Variants in MYO10 observed in about 807,000 individuals in gnomAD.
MYO10 encodes the protein unconventional myosin-X.
A neutral mutation model predicts 257.3 loss-of-function variants in MYO10; 133 were observed. That is an observed-to-expected ratio of 0.52 (90% confidence interval 0.45 to 0.60). The LOEUF is 0.60. Among genes scored for constraint, MYO10 ranks in the 20% least tolerant of loss-of-function variants. The pLI, the probability that MYO10 is intolerant of heterozygous loss-of-function variation, is 0.00. For synonymous variants in MYO10, 1,104 were observed against 1,028.6 expected (o/e 1.07, Z -1.40); for missense variants, 2,399 against 2,635.7 (o/e 0.91, Z 1.97).
intron 2 of MYO10, among the ~76,000 whole-genome samples, chr5:16,876,643 C>T (rs918581981): frequency 1.3e-5 from 2 of 152,174 alleles, no homozygotes; most frequent in African/African-American, 4.8e-5. Flanking sequence ...CAACCTCCGC[C>T]TCGCAGGTTG....
intron 12 of MYO10, 58 bp downstream of exon 12, chr5:16,764,192 A>G: frequency 6.4e-7 from 1 of 1,567,936 alleles, no homozygotes; most frequent in Non-Finnish European, 8.7e-7. Context: ...AGATTTGTTC[A>G]ATAGCAGCTA....
chr5:16,784,914 C>T lies in MYO10; in HGVS notation c.468-1445G>A, dbSNP rs573215360. ...ACAGTCCTTTCACCTGCTCTGCTAGCGACAGGCCTGGGCAGGGGCCAGTGT... is the reference window on the plus strand; with the variant it reads ...ACAGTCCTTTCACCTGCTCTGCTAGTGACAGGCCTGGGCAGGGGCCAGTGT... On this transcript the variant is annotated intron_variant, in intron 4 of 40. Coordinates refer to ENST00000513610, the MANE Select transcript of MYO10 (RefSeq NM_012334.3). Among the ~76,000 whole-genome samples, 415 of 152,272 alleles carry T rather than the reference C, an allele frequency of 2.7e-3. 4 individuals carry two copies. Among genetic ancestry groups the T allele is most frequent in the Non-Finnish European group, 3.6e-3 (246 of 68,026 alleles).
rs910333071 is a variant in MYO10, at chr5:16,679,834, T to G, written c.4542+113A>C. On this transcript the variant is annotated intron_variant, in intron 33 of 40. Coordinates refer to ENST00000513610, the MANE Select transcript of MYO10 (RefSeq NM_012334.3). The stretch of plus-strand genomic sequence containing the variant: ...GCCACCGTGCCGGCCAACCAAGCAC[T>G]AGTTTTGATTACAGAAAAAAAACTG... 4 of 1,380,202 alleles carry G rather than the reference T, an allele frequency of 2.9e-6. No individual in the cohort carries two copies. The African/African-American group carries it at 5.8e-5, about 20-fold the overall frequency. The allele number at this position is 1,380,202 out of a possible 1,614,324, so 85.5% of individuals were successfully genotyped here.
chr5:16,731,099 G>A (rs1263950415), intron 19 of MYO10, among the ~76,000 whole-genome samples: 1 of 150,370 alleles, frequency 6.7e-6, no homozygotes, highest in Admixed American at 6.6e-5. Context: ...AGGCTGGAGT[G>A]CAGTGGCACG....
intron 9 of MYO10, 48 bp downstream of exon 9, chr5:16,779,497 A>G: frequency 9.1e-7 from 1 of 1,104,350 alleles, no homozygotes. Flanking sequence ...GTTACTCTTA[A>G]TAAGGTATCT....
intron 19 of MYO10, among the ~76,000 whole-genome samples, chr5:16,714,162 A>G (rs1395347480): frequency 6.6e-6 from 1 of 152,170 alleles, no homozygotes; most frequent in African/African-American, 2.4e-5. Context: ...CGGAAAGCCT[A>G]ATATTAAACT....
chr5:16,700,382 A>G (rs1737988241), intron 25 of MYO10, among the ~76,000 whole-genome samples: 1 of 152,224 alleles, frequency 6.6e-6, no homozygotes, highest in Admixed American at 6.5e-5. Context: ...TTCCATTTAA[A>G]AAGCCAGTTT....
chr5:16,686,660 G>C lies in MYO10; in HGVS notation c.3897-829C>G, dbSNP rs572502795. Among the ~76,000 whole-genome samples, 6 of 151,964 alleles carry C rather than the reference G, an allele frequency of 3.9e-5. No homozygotes were observed. The East Asian group carries it at 1.2e-3, about 30-fold the overall frequency. On this transcript the variant is annotated intron_variant, in intron 28 of 40. Transcript: ENST00000513610. Reference sequence around the variant, plus strand: ...AGTGATTCTCCTGCCTCAGCCTCTCGAGTAGCTGGGACACACCACCATGCC... The same window carrying C: ...AGTGATTCTCCTGCCTCAGCCTCTCCAGTAGCTGGGACACACCACCATGCC...
intron 18 of MYO10, among the ~76,000 whole-genome samples, chr5:16,757,334 A>ACACG (rs1404140616): frequency 2.7e-5 from 4 of 148,340 alleles, no homozygotes; most frequent in African/African-American, 1.0e-4. Flanking sequence ...ACACACACAC[A>ACACG]CACACACACG....
intron 1 of MYO10, among the ~76,000 whole-genome samples, chr5:16,913,429 T>C (rs1745728537): frequency 6.6e-6 from 1 of 152,332 alleles, no homozygotes; most frequent in East Asian, 1.9e-4. Flanking sequence ...TATATACGTG[T>C]ATGGCTGTCT....
intron 2 of MYO10, among the ~76,000 whole-genome samples, chr5:16,862,051 G>T (rs1744122734): frequency 6.6e-6 from 1 of 152,114 alleles, no homozygotes; most frequent in Non-Finnish European, 1.5e-5. Flanking sequence ...CATCCGAAAT[G>T]CCAACCCTGA....
chr5:16,808,775 G>A (rs766727536), intron 3 of MYO10, among the ~76,000 whole-genome samples: 2 of 152,082 alleles, frequency 1.3e-5, no homozygotes, highest in African/African-American at 2.4e-5. Context: ...AGGTTCAAGC[G>A]ATTCTCCTGC....
chr5:16,887,461 CAA>C (rs1410679772), intron 1 of MYO10, among the ~76,000 whole-genome samples: 1 of 152,094 alleles, frequency 6.6e-6, no homozygotes, highest in Admixed American at 6.6e-5. Flanking sequence ...TTATGGGTTC[CAA>C]CTTGCCAACT....
rs1741631635 is a variant in MYO10 at position 16,787,766 on chromosome 5, A to G, written c.468-4297T>C. On this transcript the variant is annotated intron_variant, in intron 4 of 40. Coordinates refer to ENST00000513610, the MANE Select transcript of MYO10 (RefSeq NM_012334.3). ...TCACAAGACAGTTCCTAAGCAGGAG[A>G]GTGTCATGATCAGATTTAAGCTTCT... Among the ~76,000 whole-genome samples the G allele has an allele frequency of 2.0e-5, 3 of 151,954 alleles. No individual in the cohort carries two copies. The South Asian group carries it at 6.2e-4, about 31-fold the overall frequency.
chr5:16,868,853 T>C (rs1196187345), intron 2 of MYO10, among the ~76,000 whole-genome samples: 1 of 152,236 alleles, frequency 6.6e-6, no homozygotes, highest in East Asian at 1.9e-4. Flanking sequence ...TCTGTATTCC[T>C]AGTATCAACC....
intron 1 of MYO10, among the ~76,000 whole-genome samples, chr5:16,883,135 T>A (rs373830380): frequency 6.6e-6 from 1 of 152,090 alleles, no homozygotes; most frequent in African/African-American, 2.4e-5. Flanking sequence ...CAGGATGGTC[T>A]TGATCTCCTG....
intron 21 of MYO10, among the ~76,000 whole-genome samples, chr5:16,708,892 G>C (rs1738467510): frequency 6.6e-6 from 1 of 152,164 alleles, no homozygotes; most frequent in Admixed American, 6.5e-5. Context: ...AACAAAATCA[G>C]AGCAGATTGT....
intron 22 of MYO10, among the ~76,000 whole-genome samples, chr5:16,703,709 C>G (rs144273751): frequency 0.013 from 1,920 of 152,006 alleles, 30 homozygotes; most frequent in African/African-American, 0.043. Context: ...TGGTGAAACC[C>G]TGTCTCTACT....
At chr5:16,803,700 A>G (rs1397085973) in intron 3 of MYO10, among the ~76,000 whole-genome samples, 1 of 152,214 alleles carries the variant, frequency 6.6e-6, no homozygotes, top group African/African-American at 2.4e-5. Flanking sequence ...CTCTTCCTTG[A>G]AAAGCAAAAA....
Sources: gnomAD v4.1 joint callset for allele counts (sites outside exome capture counted in the v4.1 genomes callset) on GRCh38, gnomAD v4.1.1 for gene constraint, MANE v1.5 for transcripts, NCBI Gene and HGNC (gene_info 2026-07-23, HGNC 2026-07-21) for gene names.